The following KCNH7 variants were observed in gnomAD, a reference collection of about 807,000 sequenced individuals.
The protein encoded by KCNH7 is voltage-gated inwardly rectifying potassium channel KCNH7.
Under a neutral mutation model 120.8 loss-of-function variants are expected in KCNH7, and 49 were observed. That is an observed-to-expected ratio of 0.41 (90% confidence interval 0.32 to 0.51). KCNH7 has a LOEUF of 0.51. Ranked by LOEUF, KCNH7 falls within the 20% of genes least tolerant of loss-of-function variation. The probability of loss-of-function intolerance (pLI) is 0.38; values close to 1 mark genes in which losing one functional copy is unlikely to be tolerated. For missense variants in KCNH7, 1,097 were observed against 1,446.6 expected, an observed-to-expected ratio of 0.76 and a Z score of 3.92; for synonymous variants, 547 against 516.1, an observed-to-expected ratio of 1.06 and a Z score of -0.81.
chr2:162,648,910 T>C (rs1559063237), intron 2 of KCNH7, among the ~76,000 whole-genome samples: 1 of 152,332 alleles, frequency 6.6e-6, no homozygotes, highest in East Asian at 1.9e-4. Flanking sequence ...AGATGTCTTA[T>C]AACCATTTTA....
chr2:162,589,578 T>G (rs1694134711), intron 2 of KCNH7, among the ~76,000 whole-genome samples: 1 of 152,060 alleles, frequency 6.6e-6, no homozygotes, highest in Admixed American at 6.6e-5. Context: ...GATAAATATC[T>G]CAAGCATAAT....
intron 5 of KCNH7, 119 bp downstream of exon 5, chr2:162,512,535 A>C: frequency 1.3e-6 from 1 of 799,932 alleles, no homozygotes; most frequent in Non-Finnish European, 2.0e-6. Context: ...CAGGCACCCC[A>C]AATAGCTAAG....
At chr2:162,704,150 T>C (rs1338236753) in intron 2 of KCNH7, among the ~76,000 whole-genome samples, 1 of 152,136 alleles carries the variant, frequency 6.6e-6, no homozygotes, top group Non-Finnish European at 1.5e-5. Context: ...AAATATGTTT[T>C]AGATATTCTG....
At chr2:162,566,256 A>C (rs1472007185) in intron 2 of KCNH7, among the ~76,000 whole-genome samples, 1 of 151,986 alleles carries the variant, frequency 6.6e-6, no homozygotes. Context: ...TAGCCAAGAC[A>C]CTTACCTGGG....
At chr2:162,772,522 G>A (rs1683093403) in intron 2 of KCNH7, among the ~76,000 whole-genome samples, 1 of 146,228 alleles carries the variant, frequency 6.8e-6, no homozygotes, top group South Asian at 2.1e-4. Flanking sequence ...TTCTCCTGTT[G>A]GAGTATTTAT....
chr2:162,537,975 C>T (rs1574076842), intron 2 of KCNH7: 1 of 152,216 alleles, frequency 6.6e-6, no homozygotes, highest in East Asian at 1.9e-4. Context: ...TTTCCTCACA[C>T]TTTTACCCTC....
intron 2 of KCNH7, among the ~76,000 whole-genome samples, chr2:162,564,479 G>C (rs1257608186): frequency 6.6e-6 from 1 of 152,168 alleles, no homozygotes; most frequent in Non-Finnish European, 1.5e-5. Flanking sequence ...TTGGGGTCCA[G>C]AGAGGTGAAA....
chr2:162,595,015 T>A (rs1178262510), intron 2 of KCNH7, among the ~76,000 whole-genome samples: 1 of 152,050 alleles, frequency 6.6e-6, no homozygotes, highest in African/African-American at 2.4e-5. Flanking sequence ...ATGTGTGTAT[T>A]AGCCCATTCT....
In KCNH7 at chr2:162,634,649, G is replaced by A. The variant is rs143001216; in HGVS notation, c.308-97569C>T. On this transcript the variant is annotated intron_variant, in intron 2 of 15. Transcript: ENST00000332142. Reference sequence around the variant, plus strand: ...ACCCAGGGCCTTAAGGAATGTCTCCGCGGTTCCAGTGCAAGTCCAGCAGGT... The same window carrying A: ...ACCCAGGGCCTTAAGGAATGTCTCCACGGTTCCAGTGCAAGTCCAGCAGGT... Among the ~76,000 whole-genome samples, 672 of 152,070 alleles carry A rather than the reference G, an allele frequency of 4.4e-3. 2 individuals are homozygous for A. Among genetic ancestry groups the A allele is most frequent in the Non-Finnish European group, 6.7e-3 (458 of 67,958 alleles).
intron 2 of KCNH7, among the ~76,000 whole-genome samples, chr2:162,631,454 T>C (rs1683764871): frequency 1.3e-5 from 2 of 152,096 alleles, no homozygotes; most frequent in South Asian, 4.1e-4. Context: ...CTGTTTCTTA[T>C]CAATGGACAG....
rs747422992 is a variant in KCNH7 at position 162,805,068 on chromosome 2, CT to C, written c.307+31468del. Among the ~76,000 whole-genome samples the C allele has an allele frequency of 5.3e-5, 8 of 151,884 alleles. No individual in the cohort carries two copies. The East Asian group carries it at 7.7e-4, about 15-fold the overall frequency. ...TGAAACTGGATCCCTATCTCTCACCCTAAACAAAAATCAACTCAAGGTTGAT... is the reference window on the plus strand; with the variant it reads ...TGAAACTGGATCCCTATCTCTCACCCAAACAAAAATCAACTCAAGGTTGAT... On this transcript the variant is annotated intron_variant, in intron 2 of 15. Transcript: ENST00000332142.
intron 8 of KCNH7, among the ~76,000 whole-genome samples, chr2:162,428,917 G>A (rs1034603725): frequency 6.6e-6 from 1 of 151,546 alleles, no homozygotes; most frequent in African/African-American, 2.4e-5. Context: ...ACAGCATATG[G>A]CTGTCTTATT....
At chr2:162,621,860 T>G (rs1683374457) in intron 2 of KCNH7, among the ~76,000 whole-genome samples, 1 of 152,212 alleles carries the variant, frequency 6.6e-6, no homozygotes, top group South Asian at 2.1e-4. Context: ...GTTTGCATGA[T>G]TCTCTGTATC....
intron 2 of KCNH7, among the ~76,000 whole-genome samples, chr2:162,637,103 A>G (rs1683988079): frequency 6.6e-6 from 1 of 152,074 alleles, no homozygotes; most frequent in Admixed American, 6.6e-5. Flanking sequence ...GCCTACATCA[A>G]AATGTGCCTT....
intron 9 of KCNH7, among the ~76,000 whole-genome samples, chr2:162,417,757 T>C (rs1687583067): frequency 1.3e-5 from 2 of 152,170 alleles, no homozygotes; most frequent in Non-Finnish European, 2.9e-5. Context: ...TTGATGATGG[T>C]TGGAGACCAG....
chr2:162,460,864 G>A (rs917833739), intron 6 of KCNH7, among the ~76,000 whole-genome samples: 1 of 152,136 alleles, frequency 6.6e-6, no homozygotes, highest in African/African-American at 2.4e-5. Context: ...TGGTTCTATA[G>A]GGCCTGTGTC....
chr2:162,757,671 A>C (rs751509116), intron 2 of KCNH7, among the ~76,000 whole-genome samples: 65 of 152,150 alleles, frequency 4.3e-4, no homozygotes, highest in Non-Finnish European at 8.2e-4. Flanking sequence ...CATGCTATAG[A>C]GAATGACATG....
intron 12 of KCNH7, among the ~76,000 whole-genome samples, chr2:162,394,172 C>T (rs1208302472): frequency 6.6e-6 from 1 of 151,894 alleles, no homozygotes; most frequent in Non-Finnish European, 1.5e-5. Flanking sequence ...TCTGCGATGT[C>T]CTTGTGAATA....
At chr2:162,706,538 C>T (rs1296811562) in intron 2 of KCNH7, among the ~76,000 whole-genome samples, 1 of 152,044 alleles carries the variant, frequency 6.6e-6, no homozygotes, top group Admixed American at 6.6e-5. Context: ...AGAGCCCAGT[C>T]AGGAGCTCAG....
Sources: gnomAD v4.1 joint callset for allele counts (sites outside exome capture counted in the v4.1 genomes callset) on GRCh38, gnomAD v4.1.1 for gene constraint, MANE v1.5 for transcripts, NCBI Gene and HGNC (gene_info 2026-07-23, HGNC 2026-07-21) for gene names.